The following UBE3D variants were observed in gnomAD, a reference collection of about 807,000 sequenced individuals.
UBE3D encodes ubiquitin protein ligase E3D.
In UBE3D, 48 loss-of-function variants were observed where a neutral mutation model predicts 49.6. The observed-to-expected ratio is 0.97, with a 90% CI of 0.77 to 1.23. The LOEUF is 1.23. Among genes scored for constraint, UBE3D ranks in the 50% most tolerant of loss-of-function variants. The pLI, the probability that UBE3D is intolerant of heterozygous loss-of-function variation, is 0.00. For synonymous variants in UBE3D, 189 were observed against 174.2 expected (o/e 1.08, Z -0.67); for missense variants, 452 against 468.4 (o/e 0.96, Z 0.32).
chr6:82,977,113 C>CAAAAAAAAA (rs58424434), intron 8 of UBE3D, among the ~76,000 whole-genome samples: 22 of 42,584 alleles, frequency 5.2e-4, no homozygotes, highest in African/African-American at 2.2e-3. Context: ...GACTCCATCT[C>CAAAAAAAAA]AAAAAAAAAA....
At chr6:82,920,477 A>G (rs754429229) in intron 9 of UBE3D, among the ~76,000 whole-genome samples, 1 of 152,228 alleles carries the variant, frequency 6.6e-6, no homozygotes, top group East Asian at 1.9e-4. Context: ...TAAAATAACA[A>G]TGCACCAAAT....
At chr6:82,970,376 A>G (rs1266821673) in intron 8 of UBE3D, among the ~76,000 whole-genome samples, 1 of 152,088 alleles carries the variant, frequency 6.6e-6, no homozygotes, top group Non-Finnish European at 1.5e-5. Flanking sequence ...TTGCTAATAA[A>G]AAAAATTTTA....
chr6:82,922,987 T>G lies in UBE3D; in HGVS notation c.1150-29945A>C, dbSNP rs138592381. On this transcript the variant is annotated intron_variant, in intron 9 of 9. Coordinates refer to ENST00000369747, the MANE Select transcript of UBE3D (RefSeq NM_198920.3). ...TCATCATCACTGGTCATCAGAGAAATGCAAATCAAAACCACAATGAGATAC... is the reference window on the plus strand; with the variant it reads ...TCATCATCACTGGTCATCAGAGAAAGGCAAATCAAAACCACAATGAGATAC... 1.1e-3 allele frequency among the ~76,000 whole-genome samples: 174 copies of G among 152,272 alleles called. 2 individuals carry two copies. In the East Asian group the frequency reaches 0.028, roughly 24 times the overall value.
chr6:82,892,145 C>T (rs1770997207), downstream of UBE3D, among the ~76,000 whole-genome samples: 1 of 152,228 alleles, frequency 6.6e-6, no homozygotes, highest in Non-Finnish European at 1.5e-5. Context: ...AGACTGTCCT[C>T]CTGATCCTGG....
intron 4 of UBE3D, among the ~76,000 whole-genome samples, chr6:83,040,693 G>T (rs1410823368): frequency 6.6e-6 from 1 of 152,182 alleles, no homozygotes; most frequent in African/African-American, 2.4e-5. Flanking sequence ...GGAAACAAAA[G>T]CACACATGAA....
chr6:82,970,064 T>C (rs1777236292), intron 8 of UBE3D, among the ~76,000 whole-genome samples: 1 of 148,210 alleles, frequency 6.7e-6, no homozygotes, highest in Non-Finnish European at 1.5e-5. Flanking sequence ...TAATAGAACA[T>C]GATATACTAT....
At chr6:82,908,687 CAT>C (rs1772281598) in intron 9 of UBE3D, among the ~76,000 whole-genome samples, 1 of 152,178 alleles carries the variant, frequency 6.6e-6, no homozygotes, top group African/African-American at 2.4e-5. Context: ...GTGCTTAATA[CAT>C]GTTTATTAAA....
At chr6:82,922,961 CTCA>C (rs1169876048) in intron 9 of UBE3D, among the ~76,000 whole-genome samples, 3 of 152,178 alleles carry the variant, frequency 2.0e-5, no homozygotes, top group Non-Finnish European at 2.9e-5. Context: ...TGAAAAAATG[CTCA>C]TCATCACTGG....
intron 9 of UBE3D, among the ~76,000 whole-genome samples, chr6:82,956,838 T>C (rs572410003): frequency 2.6e-5 from 4 of 152,250 alleles, no homozygotes; most frequent in African/African-American, 7.2e-5. Context: ...TAAAAAGAGA[T>C]AGACAAAGGC....
intron 8 of UBE3D, among the ~76,000 whole-genome samples, chr6:83,004,328 T>C (rs1779827853): frequency 6.6e-6 from 1 of 152,182 alleles, no homozygotes. Context: ...GGTGAGAGAC[T>C]ACACGATACA....
intron 2 of UBE3D, among the ~76,000 whole-genome samples, chr6:83,056,123 T>C (rs1041086506): frequency 6.6e-6 from 1 of 152,244 alleles, no homozygotes; most frequent in Non-Finnish European, 1.5e-5. Context: ...TTTTGTCCTA[T>C]AGTTTAAACA....
intron 8 of UBE3D, among the ~76,000 whole-genome samples, chr6:82,992,091 T>C (rs569100938): frequency 6.6e-6 from 1 of 152,234 alleles, no homozygotes; most frequent in Admixed American, 6.5e-5. Flanking sequence ...ACAGAGAATG[T>C]ATATAAGTAT....
At chr6:82,979,635 A>C (rs955838017) in intron 8 of UBE3D, among the ~76,000 whole-genome samples, 9 of 152,108 alleles carry the variant, frequency 5.9e-5, no homozygotes, top group African/African-American at 1.9e-4. Context: ...TTATGGGGTA[A>C]GATGTAATTT....
In UBE3D at chr6:82,893,269, G is replaced by A. The variant is rs77122639; in HGVS notation, c.1150-227C>T. ...TAAGATGATTCACACGCATTTTAAA[G>A]GAGAAAAATAGAGTTTTAATTGAAA... is the stretch of plus-strand genomic sequence containing the variant. On this transcript the variant is annotated intron_variant, in intron 9 of 9. Transcript: ENST00000369747. Among the ~76,000 whole-genome samples, 124 of 152,080 alleles carry A rather than the reference G, an allele frequency of 8.2e-4. 1 individual carries two copies. The East Asian group carries it at 0.022, about 27-fold the overall frequency.
At chr6:82,999,530 G>A (rs112063855) in intron 8 of UBE3D, among the ~76,000 whole-genome samples, 1 of 152,070 alleles carries the variant, frequency 6.6e-6, no homozygotes, top group African/African-American at 2.4e-5. Flanking sequence ...GACTATAGGT[G>A]CACACCACCA....
At chr6:82,978,534 T>C (rs1397551248) in intron 8 of UBE3D, among the ~76,000 whole-genome samples, 2 of 152,164 alleles carry the variant, frequency 1.3e-5, no homozygotes, top group Non-Finnish European at 2.9e-5. Context: ...AGCAGCCTCA[T>C]AAAAGTTTTA....
intron 8 of UBE3D, among the ~76,000 whole-genome samples, chr6:82,991,557 T>C (rs1286243661): frequency 1.3e-5 from 2 of 152,120 alleles, no homozygotes; most frequent in Admixed American, 1.3e-4. Flanking sequence ...AATTAAACTA[T>C]AAAATGAAGA....
intron 8 of UBE3D, among the ~76,000 whole-genome samples, chr6:82,967,917 A>G (rs552379276): frequency 2.2e-4 from 33 of 152,280 alleles, no homozygotes; most frequent in Admixed American, 1.2e-3. Flanking sequence ...AGGTGCAATT[A>G]CAGGCTACTC....
intron 9 of UBE3D, among the ~76,000 whole-genome samples, chr6:82,911,878 G>A (rs762621145): frequency 6.6e-6 from 1 of 152,136 alleles, no homozygotes. Context: ...GGTCAGAAAG[G>A]CTGGACACTC....
Sources: gnomAD v4.1 joint callset for allele counts (sites outside exome capture counted in the v4.1 genomes callset) on GRCh38, gnomAD v4.1.1 for gene constraint, MANE v1.5 for transcripts, NCBI Gene and HGNC (gene_info 2026-07-23, HGNC 2026-07-21) for gene names.